CSMD1: variants seen among roughly 807,000 people sequenced by gnomAD.
CSMD1 encodes the protein CUB and Sushi multiple domains 1, also known as CUB and sushi domain-containing protein 1.
In CSMD1, 213 loss-of-function variants were observed where a neutral mutation model predicts 417.5. That is an observed-to-expected ratio of 0.51 (90% CI 0.46 to 0.57). The LOEUF (loss-of-function observed/expected upper bound fraction) is 0.57, where lower values mean the gene tolerates loss of function less well. CSMD1 is among the 20% of genes least tolerant of loss of function. The pLI is 0.00. For missense variants in CSMD1, 6,923 were observed against 4,529.7 expected (o/e 1.53, Z -15.17); for synonymous variants, 2,862 against 1,736.8 (o/e 1.65, Z -16.11).
chr8:4,303,764 T>C (rs961737692), intron 3 of CSMD1, among the ~76,000 whole-genome samples: 12 of 152,060 alleles, frequency 7.9e-5, no homozygotes, highest in Non-Finnish European at 1.3e-4. Flanking sequence ...CAAGCGATTC[T>C]CCTGCCTCAG....
chr8:3,414,856 T>A (rs991026026), intron 12 of CSMD1, among the ~76,000 whole-genome samples: 3 of 152,188 alleles, frequency 2.0e-5, no homozygotes, highest in African/African-American at 7.2e-5. Context: ...GCACTGTTGA[T>A]ATTCTAATTC....
rs1021691388 is a variant in CSMD1, at chr8:4,428,246, G to T, written c.303-8181C>A. Among the ~76,000 whole-genome samples, 5 of 152,094 alleles carry T rather than the reference G, an allele frequency of 3.3e-5. No homozygotes were observed. In the East Asian group the frequency reaches 9.7e-4, roughly 29 times the overall value. ...CACATTCTAAACACAAGACAACTAG[G>T]AGACTATCAACTTGATACAAGGAAA... On this transcript the variant is annotated intron_variant, in intron 2 of 69. Transcript: ENST00000635120.
At chr8:2,945,727 CCCT>C (rs1563169550) in intron 68 of CSMD1, among the ~76,000 whole-genome samples, 1 of 152,116 alleles carries the variant, frequency 6.6e-6, no homozygotes, top group African/African-American at 2.4e-5. Flanking sequence ...TTTCCCCTGT[CCCT>C]CCTCCTCTCT....
At chr8:3,852,332 T>C (rs1803969345) in intron 5 of CSMD1, among the ~76,000 whole-genome samples, 2 of 151,806 alleles carry the variant, frequency 1.3e-5, no homozygotes, top group Admixed American at 6.6e-5. Context: ...CAAGGGAGAA[T>C]GGCCCGAAGG....
At chr8:3,915,298 C>T (rs753706963) in intron 5 of CSMD1, among the ~76,000 whole-genome samples, 3 of 149,758 alleles carry the variant, frequency 2.0e-5, no homozygotes, top group Non-Finnish European at 3.0e-5. Flanking sequence ...CTCAGCTATT[C>T]AGGAGTCTAA....
intron 5 of CSMD1, among the ~76,000 whole-genome samples, chr8:3,869,717 T>G (rs1805351812): frequency 1.3e-5 from 2 of 152,062 alleles, no homozygotes; most frequent in Non-Finnish European, 2.9e-5. Context: ...GGGAAGCTCA[T>G]CCTGGCAGGA....
chr8:4,829,489 C>T (rs1196737888), intron 1 of CSMD1, among the ~76,000 whole-genome samples: 1 of 152,106 alleles, frequency 6.6e-6, no homozygotes, highest in East Asian at 1.9e-4. Context: ...TACCTGTAAT[C>T]TCAGCACTTT....
intron 2 of CSMD1, among the ~76,000 whole-genome samples, chr8:4,466,665 ACT>A (rs1394817281): frequency 2.6e-5 from 4 of 152,070 alleles, no homozygotes; most frequent in Non-Finnish European, 4.4e-5. Context: ...AACAAATATA[ACT>A]CTGAGTTGGG....
chr8:4,183,795 G>C (rs1024903324), intron 3 of CSMD1, among the ~76,000 whole-genome samples: 1 of 152,164 alleles, frequency 6.6e-6, no homozygotes. Flanking sequence ...AGCATCACTT[G>C]AGTATTTCTG....
intron 10 of CSMD1, among the ~76,000 whole-genome samples, chr8:3,535,110 C>T (rs1359846966): frequency 1.4e-5 from 2 of 144,334 alleles, no homozygotes. Context: ...ACATAGTCAG[C>T]TAATATTTTT....
chr8:3,142,726 T>A, intron 40 of CSMD1, 52 bp from the exon 41 acceptor site: 1 of 1,409,916 alleles, frequency 7.1e-7, no homozygotes, highest in Non-Finnish European at 1.0e-6. Context: ...ATGTATAAAA[T>A]CAATGCTCAT....
At chr8:4,649,924 G>A (rs1398182963) in intron 1 of CSMD1, among the ~76,000 whole-genome samples, 3 of 152,158 alleles carry the variant, frequency 2.0e-5, no homozygotes, top group African/African-American at 7.2e-5. Context: ...TTGATGCACA[G>A]GTTGTGCACT....
chr8:4,673,727 G>A (rs1010143420), intron 1 of CSMD1, among the ~76,000 whole-genome samples: 21 of 152,096 alleles, frequency 1.4e-4, no homozygotes, highest in African/African-American at 4.6e-4. Context: ...AAATCTTGAC[G>A]ACATAATGCT....
chr8:4,426,364 T>C (rs981364973), intron 2 of CSMD1, among the ~76,000 whole-genome samples: 2 of 150,290 alleles, frequency 1.3e-5, no homozygotes, highest in East Asian at 1.9e-4. Context: ...AAATCCTTTT[T>C]ATATATTTTG....
intron 12 of CSMD1, among the ~76,000 whole-genome samples, chr8:3,429,637 T>C (rs1208848418): frequency 6.6e-6 from 1 of 152,204 alleles, no homozygotes; most frequent in Non-Finnish European, 1.5e-5. Context: ...GGGTTGATGT[T>C]TATCAAAACT....
intron 2 of CSMD1, among the ~76,000 whole-genome samples, chr8:4,503,394 G>A (rs1011944212): frequency 1.3e-5 from 2 of 152,094 alleles, no homozygotes; most frequent in Non-Finnish European, 2.9e-5. Context: ...TGTTTTGAAT[G>A]TATCAGCTAA....
intron 11 of CSMD1, among the ~76,000 whole-genome samples, chr8:3,471,815 G>C (rs1338371803): frequency 6.6e-6 from 1 of 152,176 alleles, no homozygotes; most frequent in Non-Finnish European, 1.5e-5. Context: ...GAAGAAGGAA[G>C]AGGAAAGTAA....
intron 11 of CSMD1, among the ~76,000 whole-genome samples, chr8:3,480,384 G>A (rs932172271): frequency 6.6e-6 from 1 of 151,782 alleles, no homozygotes; most frequent in African/African-American, 2.4e-5. Flanking sequence ...AAAATTAAAA[G>A]GAAAAACGAA....
intron 1 of CSMD1, among the ~76,000 whole-genome samples, chr8:4,680,519 A>C (rs1256378664): frequency 6.6e-6 from 1 of 152,126 alleles, no homozygotes; most frequent in Non-Finnish European, 1.5e-5. Context: ...AGGAAGGAGA[A>C]ATGGAAATTG....
Sources: gnomAD v4.1 joint callset for allele counts (sites outside exome capture counted in the v4.1 genomes callset) on GRCh38, gnomAD v4.1.1 for gene constraint, MANE v1.5 for transcripts, NCBI Gene and HGNC (gene_info 2026-07-23, HGNC 2026-07-21) for gene names.